The following TRMT9B variants were observed in gnomAD, a reference collection of about 807,000 sequenced individuals.
The protein encoded by TRMT9B is tRNA methyltransferase 9B (putative), also known as probable tRNA methyltransferase 9B.
Under a neutral mutation model 11.5 loss-of-function variants are expected in TRMT9B, and 16 were observed. The ratio of observed to expected loss-of-function variants is 1.39; its 90% CI spans 0.94 to 2.11. TRMT9B has a LOEUF of 2.11. TRMT9B is among the 30% of genes most tolerant of loss of function. The probability of loss-of-function intolerance (pLI) is 0.00; values close to 1 mark genes in which losing one functional copy is unlikely to be tolerated. For synonymous variants in TRMT9B, 274 were observed against 192.4 expected, an observed-to-expected ratio of 1.42 and a Z score of -3.51; for missense variants, 941 against 553.8, an observed-to-expected ratio of 1.70 and a Z score of -7.02.
chr8:12,970,424 T>C (rs1450074333), intron 1 of TRMT9B, among the ~76,000 whole-genome samples: 2 of 152,214 alleles, frequency 1.3e-5, no homozygotes, highest in African/African-American at 4.8e-5. Flanking sequence ...GGCAGGTGCC[T>C]TCCTCTTCTT....
chr8:12,997,104 A>G (rs1213802808), intron 2 of TRMT9B, among the ~76,000 whole-genome samples: 1 of 151,846 alleles, frequency 6.6e-6, no homozygotes, highest in Non-Finnish European at 1.5e-5. Context: ...CCCTTTTAAT[A>G]TGATATTTGT....
rs111817554 is a variant in TRMT9B at position 12,989,299 on chromosome 8, A to T, written c.-199-1535A>T. On this transcript the variant is annotated intron_variant, in intron 1 of 4. Coordinates refer to ENST00000524591, the MANE Select transcript of TRMT9B (RefSeq NM_020844.3). ...AATAAAAAGTCTCAATTGGAATTCA[A>T]CTCCTTTTAGATATATACGACCCCA... Among the ~76,000 whole-genome samples the T allele has an allele frequency of 4.2e-3, 641 of 152,170 alleles. 3 individuals are homozygous for T. The highest frequency in any genetic ancestry group is 0.015 in the African/African-American group (610 of 41,510).
chr8:12,987,214 C>T (rs1806466879), intron 1 of TRMT9B, among the ~76,000 whole-genome samples: 1 of 152,180 alleles, frequency 6.6e-6, no homozygotes, highest in Non-Finnish European at 1.5e-5. Context: ...TTAGGTCCTC[C>T]TTCTTATCTG....
intron 2 of TRMT9B, among the ~76,000 whole-genome samples, chr8:12,995,410 TTC>T (rs1563384913): frequency 6.6e-6 from 1 of 152,220 alleles, no homozygotes; most frequent in Non-Finnish European, 1.5e-5. Flanking sequence ...TTACCTTTTC[TTC>T]TCTCTGTTCT....
intron 1 of TRMT9B, among the ~76,000 whole-genome samples, chr8:12,953,421 C>T (rs139404293): frequency 6.6e-6 from 1 of 152,198 alleles, no homozygotes; most frequent in Middle Eastern, 3.4e-3. Context: ...GCGATCTTGG[C>T]TCAATACAAC....
chr8:13,016,183 A>T (rs1812635476), intron 4 of TRMT9B, among the ~76,000 whole-genome samples: 1 of 146,620 alleles, frequency 6.8e-6, no homozygotes, highest in African/African-American at 2.5e-5. Context: ...ATATATAAAT[A>T]TAAATGTGAA....
At position 13,026,150 on chromosome 8, in the gene TRMT9B, C is replaced by T; in HGVS notation, c.*4106C>T. 1 of 167,214 alleles carries T rather than the reference C, an allele frequency of 6.0e-6. No homozygotes were observed. The allele number at this position is 167,214 out of a possible 1,614,324, so 10.4% of individuals were successfully genotyped here. ...GAGGAAATGGGAACCAACCACCAGACAAGCAGCTGCAGTCTAAGAAAAACA... is the reference window on the plus strand; with the variant it reads ...GAGGAAATGGGAACCAACCACCAGATAAGCAGCTGCAGTCTAAGAAAAACA... On this transcript the variant is annotated 3_prime_UTR_variant, in exon 5 of 5. Coordinates refer to ENST00000524591, the MANE Select transcript of TRMT9B (RefSeq NM_020844.3).
chr8:12,994,671 G>A (rs1192416096), intron 2 of TRMT9B, among the ~76,000 whole-genome samples: 1 of 152,152 alleles, frequency 6.6e-6, no homozygotes, highest in Non-Finnish European at 1.5e-5. Context: ...TAAACGACAA[G>A]AAACGAACAT....
rs751425449 is a variant in TRMT9B, at chr8:13,021,048, A to G, written c.369A>G (p.Ala123=). Residue 123 remains alanine (A), a synonymous_variant, in exon 5 of 5, where the codon GCA becomes GCG. Transcript: ENST00000524591. Reference sequence around the variant, plus strand: ...CTACAAAACAAAGAAGAATCAGAGCAATAAAAGAAATGGCCAGGGTCTTAG... The same window carrying G: ...CTACAAAACAAAGAAGAATCAGAGCGATAAAAGAAATGGCCAGGGTCTTAG... The part of the protein sequence containing the change: ...HFSTKQRRIR[A]IKEMARVLVP... 3.7e-5 allele frequency: 59 copies of G among 1,578,730 alleles called. No homozygotes were observed. In the Middle Eastern group the frequency reaches 6.7e-4, roughly 18 times the overall value.
chr8:13,011,118 C>T (rs1811525534), intron 3 of TRMT9B: 1 of 325,572 alleles, frequency 3.1e-6, no homozygotes, highest in African/African-American at 2.2e-5. Flanking sequence ...TCCTGAGTAA[C>T]TGGGATTACA....
intron 1 of TRMT9B, among the ~76,000 whole-genome samples, chr8:12,964,291 T>C (rs766320953): frequency 6.6e-6 from 1 of 152,228 alleles, no homozygotes; most frequent in Non-Finnish European, 1.5e-5. Flanking sequence ...TCCTCATCTT[T>C]CTTGGCAATA....
chr8:13,010,502 T>C, intron 3 of TRMT9B: 1 of 984,114 alleles, frequency 1.0e-6, no homozygotes, highest in Non-Finnish European at 1.2e-6. Context: ...TTAAAAAATA[T>C]TTAAAATTCT....
At chr8:12,972,503 G>A (rs1229037348) in intron 1 of TRMT9B, among the ~76,000 whole-genome samples, 2 of 152,206 alleles carry the variant, frequency 1.3e-5, no homozygotes, top group Admixed American at 6.5e-5. Context: ...GTGAAGGGCT[G>A]TTGCTGGCCA....
At chr8:13,004,538 A>G (rs112119646) in intron 2 of TRMT9B, among the ~76,000 whole-genome samples, 2,488 of 152,014 alleles carry the variant, frequency 0.016, 60 homozygotes, top group African/African-American at 0.055. Flanking sequence ...CCTACCCCCC[A>G]GATGATATTT....
At chr8:12,998,759 A>T (rs891133648) in intron 2 of TRMT9B, among the ~76,000 whole-genome samples, 8 of 152,210 alleles carry the variant, frequency 5.3e-5, no homozygotes, top group Admixed American at 2.0e-4. Flanking sequence ...GACAGTAGAA[A>T]AACCTTTTCC....
intron 1 of TRMT9B, among the ~76,000 whole-genome samples, chr8:12,972,667 T>C (rs1279717070): frequency 2.6e-5 from 4 of 151,982 alleles, no homozygotes; most frequent in African/African-American, 9.7e-5. Context: ...CAAAGCGGTG[T>C]GTAGGAGGGA....
chr8:13,010,054 A>C (rs112313815), intron 3 of TRMT9B, among the ~76,000 whole-genome samples: 5,724 of 151,488 alleles, frequency 0.038, 388 homozygotes, highest in African/African-American at 0.13. Context: ...AGGAGGACAG[A>C]TTGAGTCTGG....
intron 2 of TRMT9B, among the ~76,000 whole-genome samples, chr8:13,005,464 C>T (rs1419096355): frequency 3.9e-5 from 6 of 152,124 alleles, no homozygotes; most frequent in African/African-American, 1.2e-4. Flanking sequence ...AGGATAAGTG[C>T]TCGAGGTGAT....
chr8:13,019,822 A>G (rs991814046), intron 4 of TRMT9B, among the ~76,000 whole-genome samples: 1 of 152,188 alleles, frequency 6.6e-6, no homozygotes, highest in Non-Finnish European at 1.5e-5. Flanking sequence ...TCACAAAACT[A>G]GTTACCGAAA....
Sources: allele counts gnomAD v4.1 joint callset (sites outside exome capture counted in the v4.1 genomes callset), GRCh38; gene constraint gnomAD v4.1.1; transcripts MANE v1.5; gene names NCBI Gene and HGNC (gene_info 2026-07-23, HGNC 2026-07-21).